Variants in DCC observed in about 807,000 individuals in gnomAD.
The protein encoded by DCC is netrin receptor DCC.
Under a neutral mutation model 172.5 loss-of-function variants are expected in DCC, and 58 were observed. That is an observed-to-expected ratio of 0.34 (90% CI 0.27 to 0.42). DCC has a LOEUF of 0.42. Among genes scored for constraint, DCC ranks in the 10% least tolerant of loss-of-function variants. The pLI is 1.00. For missense variants in DCC, 1,740 were observed against 1,791.0 expected (o/e 0.97, Z 0.51); for synonymous variants, 709 against 644.5 (o/e 1.10, Z -1.52).
intron 13 of DCC, among the ~76,000 whole-genome samples, chr18:53,320,227 C>A (rs2057394488): frequency 6.6e-6 from 1 of 151,918 alleles, no homozygotes; most frequent in Non-Finnish European, 1.5e-5. Flanking sequence ...CGCCCACCAC[C>A]ACTCCCAGCT....
intron 27 of DCC, 78 bp from the exon 28 acceptor site, chr18:53,526,539 G>C (rs1437607991): frequency 7.0e-7 from 1 of 1,431,232 alleles, no homozygotes; most frequent in East Asian, 2.3e-5. Context: ...CAATCTCCTG[G>C]ATATGGTGTA....
intron 8 of DCC, among the ~76,000 whole-genome samples, chr18:53,163,725 G>C (rs1237580058): frequency 6.6e-6 from 1 of 152,178 alleles, no homozygotes; most frequent in East Asian, 1.9e-4. Flanking sequence ...TCACAGTGAA[G>C]TAATTGCCTC....
At chr18:53,240,073 T>A (rs1186633601) in intron 12 of DCC, among the ~76,000 whole-genome samples, 7 of 143,874 alleles carry the variant, frequency 4.9e-5, no homozygotes, top group African/African-American at 1.8e-4. Context: ...TTTTCCCCAA[T>A]GTGTAATATG....
chr18:52,723,682 T>C (rs953009713), intron 1 of DCC, among the ~76,000 whole-genome samples: 2 of 151,980 alleles, frequency 1.3e-5, no homozygotes, highest in African/African-American at 4.8e-5. Context: ...GAGGCTGGAG[T>C]CAGGCTCATA....
intron 1 of DCC, among the ~76,000 whole-genome samples, chr18:52,481,483 C>G (rs186676505): frequency 1.3e-5 from 2 of 152,066 alleles, no homozygotes; most frequent in African/African-American, 4.8e-5. Flanking sequence ...CGGCCCTACT[C>G]GCAGATTTAC....
chr18:53,102,008 C>G (rs2043180638), intron 7 of DCC, among the ~76,000 whole-genome samples: 1 of 152,030 alleles, frequency 6.6e-6, no homozygotes, highest in African/African-American at 2.4e-5. Flanking sequence ...AATAAGCAGG[C>G]CCTGCATTAA....
chr18:52,631,311 T>A (rs1330165608), intron 1 of DCC, among the ~76,000 whole-genome samples: 1 of 151,570 alleles, frequency 6.6e-6, no homozygotes, highest in East Asian at 1.9e-4. Flanking sequence ...GAAAAAAAAA[T>A]AAAAAACAGA....
intron 7 of DCC, among the ~76,000 whole-genome samples, chr18:53,140,438 G>A (rs2043813433): frequency 6.6e-6 from 1 of 152,098 alleles, no homozygotes; most frequent in Non-Finnish European, 1.5e-5. Context: ...AATAACGAAT[G>A]GAGTTGGGAG....
intron 5 of DCC, among the ~76,000 whole-genome samples, chr18:53,009,004 C>A (rs1317924585): frequency 4.0e-5 from 6 of 151,786 alleles, no homozygotes; most frequent in Admixed American, 3.9e-4. Context: ...TAGACCTGAA[C>A]ATTTAGGTTA....
intron 5 of DCC, among the ~76,000 whole-genome samples, chr18:52,962,862 A>G (rs527347442): frequency 2.0e-5 from 3 of 151,118 alleles, no homozygotes; most frequent in African/African-American, 7.3e-5. Flanking sequence ...AGGACAAAAA[A>G]CCAAACACTG....
chr18:52,596,215 T>G (rs564368985), intron 1 of DCC, among the ~76,000 whole-genome samples: 1 of 152,348 alleles, frequency 6.6e-6, no homozygotes, highest in African/African-American at 2.4e-5. Context: ...CCTATAAGAA[T>G]TTCCAAGTAA....
At chr18:52,423,322 ATCTGCAAAG>A (rs1598806753) in intron 1 of DCC, among the ~76,000 whole-genome samples, 2 of 152,108 alleles carry the variant, frequency 1.3e-5, no homozygotes, top group East Asian at 3.9e-4. Context: ...AAACTGGGGG[ATCTGCAAAG>A]TCGTCAGAGT....
chr18:53,151,134 A>G (rs2043990666), intron 7 of DCC, among the ~76,000 whole-genome samples: 1 of 152,216 alleles, frequency 6.6e-6, no homozygotes, highest in Admixed American at 6.5e-5. Flanking sequence ...TAATAATTGG[A>G]TGCATAAATT....
At chr18:52,354,517 G>A (rs930215918) in intron 1 of DCC, among the ~76,000 whole-genome samples, 5 of 152,068 alleles carry the variant, frequency 3.3e-5, no homozygotes, top group Non-Finnish European at 7.3e-5. Context: ...CCAACTCCTT[G>A]GCCAAAACAC....
intron 2 of DCC, among the ~76,000 whole-genome samples, chr18:52,882,304 A>G (rs1245009451): frequency 1.3e-5 from 2 of 151,972 alleles, no homozygotes; most frequent in African/African-American, 4.8e-5. Flanking sequence ...TTTTACAAAT[A>G]TAAGATCATT....
chr18:52,812,511 T>C (rs1217144938), intron 2 of DCC, among the ~76,000 whole-genome samples: 4 of 152,142 alleles, frequency 2.6e-5, no homozygotes, highest in Non-Finnish European at 5.9e-5. Context: ...TCATCAAAGG[T>C]CTTAAAGGCC....
chr18:53,307,947 A>G lies in DCC; in HGVS notation c.2053+2228A>G, dbSNP rs1043940905. On this transcript the variant is annotated intron_variant, in intron 13 of 28. Transcript: ENST00000442544. The stretch of plus-strand genomic sequence containing the variant: ...TATATATATATATATATATATATAT[A>G]TATGTATTTTATACGAGGTATATAC... 6.1e-4 allele frequency among the ~76,000 whole-genome samples: 66 copies of G among 108,586 alleles called. No individual in the cohort carries two copies. In the South Asian group the frequency reaches 0.011, roughly 18 times the overall value. 71.2% of individuals were successfully genotyped at this position (108,586 alleles called of 152,430 possible).
intron 1 of DCC, among the ~76,000 whole-genome samples, chr18:52,554,391 G>A (rs1389359688): frequency 6.6e-6 from 1 of 152,064 alleles, no homozygotes; most frequent in East Asian, 1.9e-4. Flanking sequence ...TTGACTTGGA[G>A]TGACATTTTC....
chr18:53,096,222 C>G (rs941646264), intron 7 of DCC, among the ~76,000 whole-genome samples: 5 of 151,894 alleles, frequency 3.3e-5, no homozygotes, highest in Admixed American at 3.3e-4. Context: ...GTCTATAGTC[C>G]TAGCTACTCA....
Sources: gnomAD v4.1 joint callset for allele counts (sites outside exome capture counted in the v4.1 genomes callset) on GRCh38, gnomAD v4.1.1 for gene constraint, MANE v1.5 for transcripts, NCBI Gene and HGNC (gene_info 2026-07-23, HGNC 2026-07-21) for gene names.